The following DPF3 variants were observed in gnomAD, a reference collection of about 807,000 sequenced individuals.
DPF3 encodes the protein zinc finger protein DPF3.
In DPF3, 18 loss-of-function variants were observed where a neutral mutation model predicts 56.8. The observed-to-expected ratio is 0.32, with a 90% CI of 0.22 to 0.47. The LOEUF is 0.47. Ranked by LOEUF, DPF3 falls within the 20% of genes least tolerant of loss-of-function variation. The probability of loss-of-function intolerance (pLI) is 1.00; values close to 1 mark genes in which losing one functional copy is unlikely to be tolerated. For synonymous variants in DPF3, 188 were observed against 180.2 expected, an observed-to-expected ratio of 1.04 and a Z score of -0.35; for missense variants, 403 against 488.8, an observed-to-expected ratio of 0.82 and a Z score of 1.65.
At chr14:72,674,513 C>T (rs1599346311) in intron 7 of DPF3, 145 bp from the exon 8 acceptor site, 1 of 1,210,930 alleles carries the variant, frequency 8.3e-7, no homozygotes, top group Non-Finnish European at 1.1e-6. Context: ...GCTACGCTTT[C>T]TTTTGGATCC....
intron 6 of DPF3, among the ~76,000 whole-genome samples, chr14:72,696,462 T>A (rs1887902114): frequency 6.6e-6 from 1 of 152,226 alleles, no homozygotes; most frequent in Non-Finnish European, 1.5e-5. Context: ...CAGTTTCATA[T>A]CAATTTCATC....
intron 8 of DPF3, among the ~76,000 whole-genome samples, chr14:72,643,270 T>C (rs1271473256): frequency 2.6e-5 from 4 of 152,214 alleles, no homozygotes; most frequent in African/African-American, 9.7e-5. Flanking sequence ...TGTCACTGAC[T>C]CTCTCCATGC....
chr14:72,713,581 AGAG>A (rs1888751716), intron 6 of DPF3, among the ~76,000 whole-genome samples: 1 of 152,190 alleles, frequency 6.6e-6, no homozygotes, highest in Non-Finnish European at 1.5e-5. Context: ...GCATCCTCAG[AGAG>A]GAGAAGACGG....
chr14:72,717,245 A>G (rs542863776), intron 5 of DPF3, among the ~76,000 whole-genome samples: 94 of 152,366 alleles, frequency 6.2e-4, no homozygotes, highest in South Asian at 1.7e-3. Context: ...GCATCCGCTT[A>G]AAGTCAGATA....
At chr14:72,639,471 A>T (rs1217759933) in intron 8 of DPF3, among the ~76,000 whole-genome samples, 2 of 152,234 alleles carry the variant, frequency 1.3e-5, no homozygotes, top group African/African-American at 4.8e-5. Context: ...ATTAGGTTAT[A>T]AAAAGACTGC....
At chr14:72,832,337 CCTT>C (rs1884095162) in intron 1 of DPF3, among the ~76,000 whole-genome samples, 1 of 152,134 alleles carries the variant, frequency 6.6e-6, no homozygotes, top group African/African-American at 2.4e-5. Flanking sequence ...AGGAATTCCT[CCTT>C]CAATTTCATT....
chr14:72,721,676 C>T (rs1285753070), intron 5 of DPF3, among the ~76,000 whole-genome samples: 2 of 152,042 alleles, frequency 1.3e-5, no homozygotes, highest in East Asian at 1.9e-4. Context: ...TGATGTGATA[C>T]GAGAAGAACC....
chr14:72,828,029 A>G (rs1461671030), intron 1 of DPF3, among the ~76,000 whole-genome samples: 3 of 152,224 alleles, frequency 2.0e-5, no homozygotes, highest in East Asian at 1.9e-4. Flanking sequence ...ACAATAATGA[A>G]TACCTTGCTT....
At chr14:72,648,853 T>A (rs113341108) in intron 8 of DPF3, among the ~76,000 whole-genome samples, 2 of 152,168 alleles carry the variant, frequency 1.3e-5, no homozygotes, top group African/African-American at 4.8e-5. Context: ...TCCAAAGAGA[T>A]CCTTCCTGAC....
chr14:72,779,778 A>G (rs1891893547), intron 1 of DPF3, among the ~76,000 whole-genome samples: 1 of 152,244 alleles, frequency 6.6e-6, no homozygotes, highest in South Asian at 2.1e-4. Flanking sequence ...ACTTTGTGGC[A>G]TGACCCTCTG....
At chr14:72,815,935 A>G (rs1402461551) in intron 1 of DPF3, among the ~76,000 whole-genome samples, 3 of 152,232 alleles carry the variant, frequency 2.0e-5, no homozygotes, top group African/African-American at 4.8e-5. Flanking sequence ...CAAGGCACAG[A>G]GCCACAGCAA....
At chr14:72,631,672 T>C (rs973612091) in intron 8 of DPF3, among the ~76,000 whole-genome samples, 3 of 152,246 alleles carry the variant, frequency 2.0e-5, no homozygotes, top group Non-Finnish European at 4.4e-5. Flanking sequence ...ATTGAGCACC[T>C]ACAAGGCAGG....
Position 72,795,246 on chromosome 14 carries a change from C to T in DPF3, c.33-23353G>A, listed in dbSNP as rs77641125. Among the ~76,000 whole-genome samples the T allele has an allele frequency of 9.7e-3, 1,398 of 143,658 alleles. 25 individuals are homozygous for T. The highest frequency in any genetic ancestry group is 0.034 in the African/African-American group (1,326 of 38,708). The allele number at this position is 143,658 out of a possible 152,430, so 94.2% of individuals were successfully genotyped here. Reference sequence around the variant, plus strand: ...GAAAGAAACGCAGTTATGTCCTAAGCCCAGGAATATTGAAGCTGTCCTCTT... The same window carrying T: ...GAAAGAAACGCAGTTATGTCCTAAGTCCAGGAATATTGAAGCTGTCCTCTT... On this transcript the variant is annotated intron_variant, in intron 1 of 10. Coordinates refer to ENST00000556509, the MANE Select transcript of DPF3 (RefSeq NM_001280542.3).
chr14:72,706,686 T>G (rs926058400), intron 6 of DPF3, among the ~76,000 whole-genome samples: 1 of 152,086 alleles, frequency 6.6e-6, no homozygotes, highest in Non-Finnish European at 1.5e-5. Context: ...CTCCTTGCTT[T>G]CCTATACTCC....
chr14:72,691,998 G>A (rs889753748), intron 7 of DPF3, among the ~76,000 whole-genome samples: 14 of 152,162 alleles, frequency 9.2e-5, no homozygotes. Flanking sequence ...AGGGGAAAGT[G>A]GGGTGGAGGT....
chr14:72,766,573 T>A (rs1891297205), intron 2 of DPF3, among the ~76,000 whole-genome samples: 1 of 152,332 alleles, frequency 6.6e-6, no homozygotes, highest in South Asian at 2.1e-4. Flanking sequence ...CACCTCAGCC[T>A]CCCAAGTAGC....
intron 1 of DPF3, chr14:72,853,232 A>T: frequency 6.6e-6 from 1 of 150,874 alleles, no homozygotes. Context: ...TTTTAAGACT[A>T]GTCAAGAGCA....
chr14:72,718,355 T>C (rs1395098291), intron 5 of DPF3, among the ~76,000 whole-genome samples: 2 of 152,156 alleles, frequency 1.3e-5, no homozygotes, highest in Non-Finnish European at 2.9e-5. Context: ...CCAGTTGTTC[T>C]CAAACAGTGT....
intron 6 of DPF3, 108 bp downstream of exon 6, chr14:72,714,315 A>G (rs1445033166): frequency 1.5e-6 from 2 of 1,368,382 alleles, no homozygotes; most frequent in Non-Finnish European, 2.0e-6. Context: ...GAGGAAGAGG[A>G]GAGCACACAC....
Sources: gnomAD v4.1 joint callset for allele counts (sites outside exome capture counted in the v4.1 genomes callset) on GRCh38, gnomAD v4.1.1 for gene constraint, MANE v1.5 for transcripts, NCBI Gene and HGNC (gene_info 2026-07-23, HGNC 2026-07-21) for gene names.